BICD1: variants seen among roughly 807,000 people sequenced by gnomAD.
BICD1 encodes the protein BICD cargo adaptor 1.
In BICD1, 35 loss-of-function variants were observed where a neutral mutation model predicts 92.5. The ratio of observed to expected loss-of-function variants is 0.38; its 90% CI spans 0.29 to 0.50. The LOEUF (loss-of-function observed/expected upper bound fraction) is 0.50, where lower values mean the gene tolerates loss of function less well. Ranked by LOEUF, BICD1 falls within the 20% of genes least tolerant of loss-of-function variation. The pLI is 0.93. For missense variants in BICD1, 950 were observed against 1,189.8 expected (o/e 0.80, Z 2.97); for synonymous variants, 429 against 465.1 (o/e 0.92, Z 1.00).
chr12:32,324,647 C>G lies in BICD1; in HGVS notation c.1006-2814C>G, dbSNP rs184595941. On this transcript the variant is annotated intron_variant, in intron 4 of 9. Transcript: ENST00000652176. ...CTGGAGTGCAGTGGCACAATCTCGG[C>G]TCGTTGCAACCTCCATCCCCCGGGT... Among the ~76,000 whole-genome samples the G allele has an allele frequency of 4.6e-5, 7 of 152,182 alleles. No homozygotes were observed. In the East Asian group the frequency reaches 1.4e-3, roughly 30 times the overall value.
At chr12:32,189,721 C>T (rs1944512859) in intron 1 of BICD1, among the ~76,000 whole-genome samples, 1 of 141,318 alleles carries the variant, frequency 7.1e-6, no homozygotes, top group Non-Finnish European at 1.5e-5. Flanking sequence ...TTTTTTGAGA[C>T]AGGGTCTTGC....
chr12:32,151,977 G>A (rs1943301509), intron 1 of BICD1, among the ~76,000 whole-genome samples: 1 of 152,056 alleles, frequency 6.6e-6, no homozygotes, highest in Admixed American at 6.5e-5. Flanking sequence ...TGTTTTTTGA[G>A]ACAGAGTCTC....
chr12:32,193,548 TA>T (rs1389692810), intron 1 of BICD1, among the ~76,000 whole-genome samples: 4 of 152,160 alleles, frequency 2.6e-5, no homozygotes, highest in Admixed American at 1.3e-4. Context: ...TAATACCAAA[TA>T]AATAGAATCA....
chr12:32,182,106 A>G (rs1441423499), intron 1 of BICD1, among the ~76,000 whole-genome samples: 1 of 151,954 alleles, frequency 6.6e-6, no homozygotes, highest in Non-Finnish European at 1.5e-5. Context: ...AATTTAAAGA[A>G]TATCAATGTA....
intron 8 of BICD1, among the ~76,000 whole-genome samples, chr12:32,362,500 A>G (rs1939368713): frequency 6.6e-6 from 1 of 152,236 alleles, no homozygotes; most frequent in Non-Finnish European, 1.5e-5. Flanking sequence ...CCTCTTTTTA[A>G]AAACAATATT....
At chr12:32,182,274 CTTTCTTT>C (rs1944293620) in intron 1 of BICD1, among the ~76,000 whole-genome samples, 1 of 84,996 alleles carries the variant, frequency 1.2e-5, no homozygotes, top group Non-Finnish European at 2.6e-5. Flanking sequence ...TTCTTTCTTT[CTTTCTTT>C]TTTTTTTTTT....
intron 8 of BICD1, chr12:32,339,362 G>A: frequency 4.0e-6 from 4 of 994,564 alleles, no homozygotes; most frequent in African/African-American, 3.5e-5. Flanking sequence ...TCCGTAAAGG[G>A]AGAGCCATAT....
intron 1 of BICD1, among the ~76,000 whole-genome samples, chr12:32,148,585 C>A (rs1302780002): frequency 6.6e-6 from 1 of 152,138 alleles, no homozygotes; most frequent in Non-Finnish European, 1.5e-5. Flanking sequence ...TGAATCATGT[C>A]AAATTCACCA....
chr12:32,159,837 AT>A (rs1943548583), intron 1 of BICD1, among the ~76,000 whole-genome samples: 1 of 146,840 alleles, frequency 6.8e-6, no homozygotes, highest in Non-Finnish European at 1.5e-5. Flanking sequence ...AAAGAAGACA[AT>A]TAATTTCTAC....
intron 1 of BICD1, among the ~76,000 whole-genome samples, chr12:32,117,524 AGT>A (rs1205992248): frequency 6.6e-6 from 1 of 151,972 alleles, no homozygotes; most frequent in African/African-American, 2.4e-5. Context: ...CTTTAAGATG[AGT>A]GTATCTCTAA....
intron 1 of BICD1, among the ~76,000 whole-genome samples, chr12:32,213,467 C>T (rs1398987379): frequency 6.6e-6 from 1 of 152,188 alleles, no homozygotes; most frequent in Non-Finnish European, 1.5e-5. Flanking sequence ...ACAATCTCAG[C>T]TCACTGCAAC....
intron 1 of BICD1, among the ~76,000 whole-genome samples, chr12:32,138,922 A>G (rs1942817017): frequency 6.6e-6 from 1 of 152,166 alleles, no homozygotes; most frequent in African/African-American, 2.4e-5. Flanking sequence ...AAATTGCTTC[A>G]GTGGCATTAT....
At chr12:32,127,909 T>C (rs1205318217) in intron 1 of BICD1, among the ~76,000 whole-genome samples, 3 of 140,316 alleles carry the variant, frequency 2.1e-5, no homozygotes, top group African/African-American at 7.6e-5. Flanking sequence ...ATCTAATTCT[T>C]TTTTTTTTTT....
chr12:32,243,629 C>T (rs907913331), intron 2 of BICD1, among the ~76,000 whole-genome samples: 51 of 152,102 alleles, frequency 3.4e-4, no homozygotes, highest in Middle Eastern at 3.4e-3. Context: ...ATCCTTTCCA[C>T]TGGTTTGTTA....
chr12:32,339,673 T>G, intron 8 of BICD1: 1 of 985,408 alleles, frequency 1.0e-6, no homozygotes, highest in Non-Finnish European at 1.2e-6. Context: ...AAATTATTCT[T>G]GCAAATAAAA....
In BICD1 at chr12:32,216,417, A is replaced by G; in HGVS notation, c.384A>G (p.Ala128=). 6.2e-7 allele frequency: 1 copy of G among 1,614,226 alleles called. No homozygotes were observed. The highest frequency in any genetic ancestry group is 8.5e-7 in the Non-Finnish European group (1 of 1,180,032). The part of the protein sequence containing the change: ...QSRAVVTNVQ[A]ENERLTAVVQ... The stretch of plus-strand genomic sequence containing the variant: ...GGGCTGTGGTCACTAATGTACAGGC[A>G]GAAAACGAGAGGCTCACCGCAGTCG... The change falls in exon 2 of 10, where the codon GCA becomes GCG. Residue 128 remains alanine, a synonymous_variant. Coordinates refer to ENST00000652176, the MANE Select transcript of BICD1 (RefSeq NM_001714.4).
chr12:32,272,755 A>G (rs186884556), intron 2 of BICD1, among the ~76,000 whole-genome samples: 107 of 152,354 alleles, frequency 7.0e-4, no homozygotes, highest in African/African-American at 2.4e-3. Context: ...TTAAGGAAAC[A>G]TATTAAAACA....
intron 2 of BICD1, among the ~76,000 whole-genome samples, chr12:32,277,595 C>T (rs1218287343): frequency 2.0e-5 from 3 of 152,158 alleles, no homozygotes; most frequent in Admixed American, 6.5e-5. Flanking sequence ...TAAGTCAATC[C>T]GTCCAGGTAC....
chr12:32,214,554 G>C (rs923330999), intron 1 of BICD1, among the ~76,000 whole-genome samples: 1 of 152,016 alleles, frequency 6.6e-6, no homozygotes, highest in African/African-American at 2.4e-5. Context: ...TTCTCCAACA[G>C]TTAGAAACCT....
Sources: allele counts gnomAD v4.1 joint callset (sites outside exome capture counted in the v4.1 genomes callset), GRCh38; gene constraint gnomAD v4.1.1; transcripts MANE v1.5; gene names NCBI Gene and HGNC (gene_info 2026-07-23, HGNC 2026-07-21).